The following KRAS variants were observed in gnomAD, a reference collection of about 807,000 sequenced individuals.
KRAS encodes KRas proto-oncogene, GTPase.
Under a neutral mutation model 21.0 loss-of-function variants are expected in KRAS, and 1 was observed. The observed-to-expected ratio is 0.05, with a 90% CI of 0.02 to 0.23. The LOEUF is 0.23. Among genes scored for constraint, KRAS ranks in the 10% least tolerant of loss-of-function variants. The probability of loss-of-function intolerance (pLI) is 1.00; values close to 1 mark genes in which losing one functional copy is unlikely to be tolerated. For synonymous variants in KRAS, 67 were observed against 72.5 expected (o/e 0.92, Z 0.39); for missense variants, 107 against 221.8 (o/e 0.48, Z 3.29).
chr12:25,234,766 T>G (rs1015926277), intron 2 of KRAS: 7 of 194,994 alleles, frequency 3.6e-5, no homozygotes. Context: ...CCATTATAAT[T>G]AATAACTAAA....
chr12:25,234,941 T>G (rs1468702753), intron 2 of KRAS: 1 of 267,924 alleles, frequency 3.7e-6, no homozygotes, highest in African/African-American at 2.2e-5. Flanking sequence ...CTAAAGAAAC[T>G]AATAACTTTT....
rs1951664663 is a variant in KRAS, at chr12:25,245,379, A to G, written c.6T>C (p.Thr2=). The G allele has an allele frequency of 1.2e-6, 2 of 1,610,688 alleles. No homozygotes were observed. The highest frequency in any genetic ancestry group is 4.5e-5 in the East Asian group (2 of 44,820). M[T]EYKLVVVGAG... is the part of the protein sequence containing the mutation. ...CTCCAACTACCACAAGTTTATATTC[A>G]GTCATTTTCAGCAGGCCTTATAATA... Residue 2 remains threonine (T), a synonymous_variant, in exon 2 of 5, where the codon ACT becomes ACC. Transcript: ENST00000311936.
In KRAS at chr12:25,205,850, A is replaced by ATCTT. The variant is rs1951132147; in HGVS notation, c.*3941_*3944dup. The ATCTT allele has an allele frequency of 4.6e-6, 1 of 215,838 alleles. No homozygotes were observed. Among genetic ancestry groups the ATCTT allele is most frequent in the Non-Finnish European group, 9.3e-6 (1 of 107,164 alleles). 13.4% of individuals were successfully genotyped at this position (215,838 alleles called of 1,614,324 possible). A position where few individuals can be genotyped will look rare whatever the true frequency, so the allele number is the denominator to read the frequency against. On this transcript the variant is annotated 3_prime_UTR_variant, in exon 5 of 5. Coordinates refer to ENST00000311936, the MANE Select transcript of KRAS (RefSeq NM_004985.5). ...CTATTCTTCAAGAACTCATGTGAGT[A>ATCTT]TCTTTCTTTAGAAAGAAAGTTTCAT...
At chr12:25,239,251 A>G (rs1951580677) in intron 2 of KRAS, among the ~76,000 whole-genome samples, 1 of 151,962 alleles carries the variant, frequency 6.6e-6, no homozygotes, top group Non-Finnish European at 1.5e-5. Context: ...TCTCTAATTC[A>G]TATATAAGAT....
intron 2 of KRAS, among the ~76,000 whole-genome samples, chr12:25,243,383 C>T (rs1951635975): frequency 1.3e-5 from 2 of 152,184 alleles, no homozygotes; most frequent in South Asian, 4.1e-4. Flanking sequence ...ACCAATGCTT[C>T]CCAGAGTCAA....
At chr12:25,226,380 AAAG>A (rs1951391753) in intron 3 of KRAS, among the ~76,000 whole-genome samples, 1 of 152,192 alleles carries the variant, frequency 6.6e-6, no homozygotes, top group African/African-American at 2.4e-5. Flanking sequence ...ACACAGCACA[AAAG>A]AAGGAGCAGA....
At chr12:25,225,286 T>TTATTTATATATATATATA (rs1486092988) in intron 4 of KRAS, 2 of 10,622 alleles carry the variant, frequency 1.9e-4, no homozygotes, top group African/African-American at 4.6e-4. Context: ...GCCCTGTTCT[T>TTATTTATATATATATATA]TATATATATA....
intron 4 of KRAS, among the ~76,000 whole-genome samples, chr12:25,213,417 C>G (rs1384767862): frequency 6.6e-6 from 1 of 152,142 alleles, no homozygotes; most frequent in Non-Finnish European, 1.5e-5. Flanking sequence ...AAATGTGTAA[C>G]TTTTCAAACT....
Position 25,206,409 on chromosome 12 carries a change from A to G in KRAS, c.*3386T>C, listed in dbSNP as rs1448581707. On this transcript the variant is annotated 3_prime_UTR_variant, in exon 5 of 5. Transcript: ENST00000311936. Reference sequence around the variant, plus strand: ...AGCTTTTTTTAAAAAAACTTCAACAAGGATTTTTGTCTTTAAGGCTGTAAT... The same window carrying G: ...AGCTTTTTTTAAAAAAACTTCAACAGGGATTTTTGTCTTTAAGGCTGTAAT... 4.9e-6 allele frequency: 1 copy of G among 204,408 alleles called. No homozygotes were observed. Among genetic ancestry groups the G allele is most frequent in the Non-Finnish European group, 1.0e-5 (1 of 99,884 alleles). The allele number at this position is 204,408 out of a possible 1,614,324, so 12.7% of individuals were successfully genotyped here. A position where few individuals can be genotyped will look rare whatever the true frequency, so the allele number is the denominator to read the frequency against.
intron 2 of KRAS, among the ~76,000 whole-genome samples, chr12:25,232,665 C>T (rs958558010): frequency 2.6e-5 from 4 of 151,948 alleles, no homozygotes; most frequent in Non-Finnish European, 4.4e-5. Flanking sequence ...TAGGAAACTA[C>T]GATAAAATAA....
Position 25,245,453 on chromosome 12 carries a change from A to G in KRAS, c.-11-58T>C, listed in dbSNP as rs1951665738. The G allele has an allele frequency of 4.0e-6, 6 of 1,489,204 alleles. No homozygotes were observed. The East Asian group carries it at 1.5e-4, about 36-fold the overall frequency. 92.2% of individuals were successfully genotyped at this position (1,489,204 alleles called of 1,614,324 possible). A position where few individuals can be genotyped will look rare whatever the true frequency, so the allele number is the denominator to read the frequency against. ...TTAGAACATGTCACACATAAGGTTA[A>G]TACACTATCAAATACTCCACCAGTA... On this transcript the variant is annotated intron_variant, in intron 1 of 4. Coordinates refer to ENST00000311936, the MANE Select transcript of KRAS (RefSeq NM_004985.5).
At chr12:25,235,266 C>A in intron 2 of KRAS, 1 of 534,152 alleles carries the variant, frequency 1.9e-6, no homozygotes, top group Non-Finnish European at 3.5e-6. Flanking sequence ...AATTAATGCT[C>A]AAGTACTTTA....
At chr12:25,247,248 C>T (rs774609631) in intron 1 of KRAS, among the ~76,000 whole-genome samples, 1 of 152,142 alleles carries the variant, frequency 6.6e-6, no homozygotes, top group South Asian at 2.1e-4. Flanking sequence ...TAGATAAACA[C>T]TAAATATACA....
chr12:25,215,513 G>A (rs2141488992), intron 4 of KRAS: 2 of 1,611,594 alleles, frequency 1.2e-6, no homozygotes, highest in Non-Finnish European at 1.7e-6. Flanking sequence ...TTTTCAATCT[G>A]TATTGTCGGA....
Position 25,225,778 on chromosome 12 carries a change from G to GA in KRAS, c.291-6dup. ...TTAACTCTTTTAATTTGTTCTCTGG[G>GA]AAAGAAAAAAAAGTTATAGCACAGT... On this transcript the variant is annotated splice_region_variant and splice_polypyrimidine_tract_variant and intron_variant, in intron 3 of 4. Coordinates refer to ENST00000311936, the MANE Select transcript of KRAS (RefSeq NM_004985.5). 6.2e-7 allele frequency: 1 copy of GA among 1,608,890 alleles called. No individual in the cohort carries two copies.
At position 25,225,680 on chromosome 12, in the gene KRAS, T is replaced by C. The variant is rs2141506000; in HGVS notation, c.384A>G (p.Lys128=). 6.2e-7 allele frequency: 1 copy of C among 1,613,372 alleles called. No individual in the cohort carries two copies. ...AACTTCTTGCTAAGTCCTGAGCCTGTTTTGTGTCTACTGTTCTAGAAGGCA... is the reference window on the plus strand; with the variant it reads ...AACTTCTTGCTAAGTCCTGAGCCTGCTTTGTGTCTACTGTTCTAGAAGGCA... ...CDLPSRTVDT[K]QAQDLARSYG... Residue 128 remains lysine, a synonymous_variant, in exon 4 of 5, where the codon AAA becomes AAG. Coordinates refer to ENST00000311936, the MANE Select transcript of KRAS (RefSeq NM_004985.5).
At position 25,208,732 on chromosome 12, in the gene KRAS, C is replaced by T. The variant is rs955044118; in HGVS notation, c.*1063G>A. 1 of 232,944 alleles carries T rather than the reference C, an allele frequency of 4.3e-6. No homozygotes were observed. The highest frequency in any genetic ancestry group is 8.5e-6 in the Non-Finnish European group (1 of 117,970). 14.4% of individuals were successfully genotyped at this position (232,944 alleles called of 1,614,324 possible). On this transcript the variant is annotated 3_prime_UTR_variant, in exon 5 of 5. Coordinates refer to ENST00000311936, the MANE Select transcript of KRAS (RefSeq NM_004985.5). ...ACCAATGCATGACAACACTGGATGA[C>T]CGTGGGGACACAGTCCATGCTGTGA...
At chr12:25,233,607 T>C (rs1356871928) in intron 2 of KRAS, among the ~76,000 whole-genome samples, 1 of 152,210 alleles carries the variant, frequency 6.6e-6, no homozygotes, top group Non-Finnish European at 1.5e-5. Flanking sequence ...CTTCCTTCTC[T>C]GGTACCTCCT....
chr12:25,231,200 C>T (rs1166942324), intron 2 of KRAS, among the ~76,000 whole-genome samples: 1 of 141,120 alleles, frequency 7.1e-6, no homozygotes, highest in African/African-American at 2.6e-5. Context: ...CTCCCAGGTT[C>T]AAGCGATTCT....
Sources: allele counts gnomAD v4.1 joint callset (sites outside exome capture counted in the v4.1 genomes callset), GRCh38; gene constraint gnomAD v4.1.1; transcripts MANE v1.5; gene names NCBI Gene and HGNC (gene_info 2026-07-23, HGNC 2026-07-21).